The following NELL1 variants were observed in gnomAD, a reference collection of about 807,000 sequenced individuals.
NELL1 encodes the protein protein kinase C-binding protein NELL1.
Under a neutral mutation model 107.4 loss-of-function variants are expected in NELL1, and 76 were observed. The ratio of observed to expected loss-of-function variants is 0.71; its 90% CI spans 0.59 to 0.86. NELL1 has a LOEUF of 0.86. NELL1 is among the 40% of genes least tolerant of loss of function. The pLI, the probability that NELL1 is intolerant of heterozygous loss-of-function variation, is 0.00. For missense variants in NELL1, 1,024 were observed against 1,005.5 expected (o/e 1.02, Z -0.25); for synonymous variants, 353 against 341.2 (o/e 1.03, Z -0.38).
intron 2 of NELL1, among the ~76,000 whole-genome samples, chr11:20,699,374 T>G (rs1854711245): frequency 6.6e-6 from 1 of 152,116 alleles, no homozygotes; most frequent in Non-Finnish European, 1.5e-5. Context: ...TTTTTCTTTT[T>G]TTTTGAGATG....
chr11:21,178,713 G>A (rs1285217524), intron 13 of NELL1, among the ~76,000 whole-genome samples: 5 of 150,620 alleles, frequency 3.3e-5, no homozygotes, highest in African/African-American at 1.2e-4. Flanking sequence ...GCAGTGAGCC[G>A]AGACCACACT....
chr11:21,340,578 G>C (rs560303235), intron 14 of NELL1, among the ~76,000 whole-genome samples: 97 of 130,766 alleles, frequency 7.4e-4, no homozygotes, highest in Non-Finnish European at 1.4e-3. Context: ...TGAGGGCATA[G>C]TGGAGTAGGG....
At chr11:20,688,163 G>C (rs1435274764) in intron 2 of NELL1, among the ~76,000 whole-genome samples, 3 of 151,686 alleles carry the variant, frequency 2.0e-5, no homozygotes, top group Admixed American at 2.0e-4. Flanking sequence ...TGTTATAGAG[G>C]CTACTATGAG....
At chr11:21,547,664 G>C (rs1856477044) in intron 16 of NELL1, among the ~76,000 whole-genome samples, 1 of 151,904 alleles carries the variant, frequency 6.6e-6, no homozygotes, top group South Asian at 2.1e-4. Flanking sequence ...ACCTGTTTCT[G>C]CTGTTCCTTT....
intron 15 of NELL1, among the ~76,000 whole-genome samples, chr11:21,428,331 GT>G (rs1180128679): frequency 4.6e-5 from 7 of 152,132 alleles, no homozygotes; most frequent in Non-Finnish European, 1.0e-4. Flanking sequence ...ATCAGCATTA[GT>G]ACAAATAATT....
intron 2 of NELL1, among the ~76,000 whole-genome samples, 181 bp downstream of exon 2, chr11:20,678,241 C>G (rs1005172821): frequency 1.3e-5 from 2 of 152,082 alleles, no homozygotes; most frequent in Non-Finnish European, 2.9e-5. Flanking sequence ...CATTAGAGAT[C>G]ATGGTGGTAA....
At chr11:20,747,229 T>C (rs1856025055) in intron 2 of NELL1, among the ~76,000 whole-genome samples, 1 of 152,192 alleles carries the variant, frequency 6.6e-6, no homozygotes. Context: ...CAATGTATGG[T>C]TTTGCATGTT....
At chr11:21,204,361 A>G (rs1260470835) in intron 13 of NELL1, among the ~76,000 whole-genome samples, 1 of 151,386 alleles carries the variant, frequency 6.6e-6, no homozygotes, top group African/African-American at 2.4e-5. Flanking sequence ...CATTAAGTTG[A>G]TCTTCAATCT....
At chr11:20,974,458 T>C (rs1335124676) in intron 12 of NELL1, among the ~76,000 whole-genome samples, 1 of 151,938 alleles carries the variant, frequency 6.6e-6, no homozygotes, top group Non-Finnish European at 1.5e-5. Context: ...GAAAAATAAC[T>C]CCAATTGATT....
intron 14 of NELL1, among the ~76,000 whole-genome samples, chr11:21,305,686 A>G (rs563538369): frequency 3.3e-5 from 5 of 152,118 alleles, no homozygotes; most frequent in Admixed American, 2.0e-4. Context: ...TCTAGACAGT[A>G]TAGATTCTAT....
At chr11:21,246,626 A>T (rs1858499637) in intron 14 of NELL1, among the ~76,000 whole-genome samples, 1 of 152,204 alleles carries the variant, frequency 6.6e-6, no homozygotes, top group African/African-American at 2.4e-5. Context: ...CCTATATAGC[A>T]TGTTACTGTA....
intron 12 of NELL1, among the ~76,000 whole-genome samples, chr11:21,043,046 A>G (rs894119452): frequency 3.3e-5 from 5 of 152,168 alleles, no homozygotes; most frequent in African/African-American, 1.2e-4. Context: ...GGTGCTATTA[A>G]TAACTCATAG....
intron 11 of NELL1, among the ~76,000 whole-genome samples, chr11:20,951,155 TTGTC>T (rs1851061641): frequency 3.3e-5 from 5 of 152,332 alleles, no homozygotes; most frequent in Admixed American, 3.3e-4. Context: ...CTCACTGTCA[TTGTC>T]ATGTTAATGA....
chr11:21,270,808 C>T (rs1056925528), intron 14 of NELL1, among the ~76,000 whole-genome samples: 2 of 152,010 alleles, frequency 1.3e-5, no homozygotes, highest in Non-Finnish European at 1.5e-5. Flanking sequence ...TTTAAAAGAA[C>T]AGAAATTATC....
intron 12 of NELL1, among the ~76,000 whole-genome samples, chr11:21,004,865 G>A (rs565158869): frequency 1.4e-3 from 214 of 152,166 alleles, no homozygotes; most frequent in Non-Finnish European, 2.3e-3. Context: ...TTACTAGTCT[G>A]CTAAACCTCA....
chr11:21,234,964 C>A (rs1351329246), intron 14 of NELL1, among the ~76,000 whole-genome samples: 1 of 152,016 alleles, frequency 6.6e-6, no homozygotes, highest in African/African-American at 2.4e-5. Context: ...TAAGGTATCA[C>A]CAAGGATAAT....
chr11:20,847,513 G>A, intron 3 of NELL1, 70 bp from the exon 4 acceptor site: 7 of 1,494,062 alleles, frequency 4.7e-6, no homozygotes, highest in Non-Finnish European at 5.5e-6. Context: ...GTAGTAAGGG[G>A]TTGAGGGATT....
At chr11:21,160,374 A>G (rs1047864035) in intron 13 of NELL1, among the ~76,000 whole-genome samples, 1 of 152,198 alleles carries the variant, frequency 6.6e-6, no homozygotes, top group East Asian at 1.9e-4. Flanking sequence ...ATTTGTAAAG[A>G]TACCATCCGA....
At chr11:21,062,913 T>G (rs887412974) in intron 12 of NELL1, among the ~76,000 whole-genome samples, 145 of 152,154 alleles carry the variant, frequency 9.5e-4, no homozygotes, top group African/African-American at 3.3e-3. Flanking sequence ...CTGCAACCTC[T>G]GCCTCCTGGG....
Sources: allele counts gnomAD v4.1 joint callset (sites outside exome capture counted in the v4.1 genomes callset), GRCh38; gene constraint gnomAD v4.1.1; transcripts MANE v1.5; gene names NCBI Gene and HGNC (gene_info 2026-07-23, HGNC 2026-07-21).